Variants in TTC28 observed in about 807,000 individuals in gnomAD.
TTC28 encodes the protein tetratricopeptide repeat protein 28.
A neutral mutation model predicts 198.0 loss-of-function variants in TTC28; 61 were observed. That is an observed-to-expected ratio of 0.31 (90% CI 0.25 to 0.38). The LOEUF (loss-of-function observed/expected upper bound fraction) is 0.38. Ranked by LOEUF, TTC28 falls within the 10% of genes least tolerant of loss-of-function variation. The probability of loss-of-function intolerance (pLI) is 1.00; values close to 1 mark genes in which losing one functional copy is unlikely to be tolerated. For synonymous variants in TTC28, 1,171 were observed against 1,297.8 expected, an observed-to-expected ratio of 0.90 and a Z score of 2.10; for missense variants, 2,678 against 3,164.0, an observed-to-expected ratio of 0.85 and a Z score of 3.69.
At chr22:28,092,033 G>A (rs1324325421) in intron 12 of TTC28, among the ~76,000 whole-genome samples, 1 of 152,170 alleles carries the variant, frequency 6.6e-6, no homozygotes, top group Non-Finnish European at 1.5e-5. Flanking sequence ...AGCCCTTGGT[G>A]GAGAAGATCT....
At chr22:28,660,486 C>T (rs143711337) in intron 1 of TTC28, among the ~76,000 whole-genome samples, 54 of 152,212 alleles carry the variant, frequency 3.5e-4, no homozygotes, top group African/African-American at 1.2e-3. Flanking sequence ...CCACCACACC[C>T]GGCTAATTTT....
At position 28,101,296 on chromosome 22, in the gene TTC28, G is replaced by T. The variant is rs1942144638; in HGVS notation, c.3308-16C>A. 3 of 1,530,074 alleles carry T rather than the reference G, an allele frequency of 2.0e-6. No individual in the cohort carries two copies. The highest frequency in any genetic ancestry group is 1.2e-5 in the South Asian group (1 of 83,330). The allele number at this position is 1,530,074 out of a possible 1,614,324, so 94.8% of individuals were successfully genotyped here. ...AACCTTAAACCTGAAACCAGATAGA[G>T]AAATTTAAGGAAACATAGAAGATGG... On this transcript the variant is annotated splice_polypyrimidine_tract_variant and intron_variant, in intron 8 of 22. Coordinates refer to ENST00000397906, the MANE Select transcript of TTC28 (RefSeq NM_001145418.2).
At chr22:28,400,145 C>T (rs1177047376) in intron 2 of TTC28, among the ~76,000 whole-genome samples, 3 of 152,152 alleles carry the variant, frequency 2.0e-5, no homozygotes, top group Non-Finnish European at 2.9e-5. Flanking sequence ...ATTTCAGTAA[C>T]TTTTCATCTT....
chr22:28,337,245 G>C (rs1262381203), intron 2 of TTC28, among the ~76,000 whole-genome samples: 2 of 152,188 alleles, frequency 1.3e-5, no homozygotes, highest in East Asian at 3.8e-4. Context: ...TTGCTGAGGA[G>C]TGCTTTACTG....
intron 2 of TTC28, among the ~76,000 whole-genome samples, chr22:28,626,872 ATT>A (rs1322331698): frequency 2.6e-5 from 4 of 151,892 alleles, no homozygotes; most frequent in African/African-American, 9.7e-5. Flanking sequence ...AAGGGTGATT[ATT>A]TTTTGTCTAT....
intron 5 of TTC28, among the ~76,000 whole-genome samples, chr22:28,165,359 G>T (rs535002958): frequency 1.1e-4 from 16 of 151,966 alleles, no homozygotes; most frequent in South Asian, 2.1e-4. Flanking sequence ...GAAGAGCAAC[G>T]CCAAGACACA....
intron 2 of TTC28, among the ~76,000 whole-genome samples, chr22:28,366,949 T>C (rs2046257546): frequency 6.6e-6 from 1 of 151,864 alleles, no homozygotes; most frequent in Non-Finnish European, 1.5e-5. Context: ...CAAATATTAT[T>C]AGAGCTAACA....
intron 2 of TTC28, among the ~76,000 whole-genome samples, chr22:28,474,700 T>G (rs2048138635): frequency 6.6e-6 from 1 of 152,188 alleles, no homozygotes; most frequent in Admixed American, 6.5e-5. Context: ...AGGCATTCTC[T>G]AAGTATATAG....
chr22:28,554,319 C>T (rs1191713841), intron 2 of TTC28, among the ~76,000 whole-genome samples: 1 of 150,524 alleles, frequency 6.6e-6, no homozygotes, highest in Admixed American at 6.6e-5. Flanking sequence ...CCACTATTGT[C>T]CTATGACCCT....
intron 12 of TTC28, among the ~76,000 whole-genome samples, chr22:28,040,255 G>C (rs1395585940): frequency 6.6e-6 from 1 of 151,550 alleles, no homozygotes; most frequent in Non-Finnish European, 1.5e-5. Context: ...GCATCATCCT[G>C]ATACCAAAGC....
chr22:28,196,275 C>T (rs1925327179), intron 5 of TTC28, among the ~76,000 whole-genome samples: 1 of 152,042 alleles, frequency 6.6e-6, no homozygotes, highest in Non-Finnish European at 1.5e-5. Flanking sequence ...ATACCTTATA[C>T]AAAAATTAAT....
rs145261644 is a variant in TTC28 at position 28,671,714 on chromosome 22, C to T, written c.102+7908G>A. 9.0e-3 allele frequency among the ~76,000 whole-genome samples: 1,337 copies of T among 147,858 alleles called. 10 individuals carry two copies. Among genetic ancestry groups the T allele is most frequent in the Non-Finnish European group, 0.014 (906 of 67,090 alleles). On this transcript the variant is annotated intron_variant, in intron 1 of 22. Transcript: ENST00000397906. ...TTTTTGAGACAGAGTCTTGCTTTGT[C>T]GCCCAGGCTGGAATGCAGTGGCCCA...
intron 2 of TTC28, among the ~76,000 whole-genome samples, chr22:28,551,589 A>G (rs2049672542): frequency 6.6e-6 from 1 of 152,230 alleles, no homozygotes; most frequent in Non-Finnish European, 1.5e-5. Context: ...AAGTCAATAA[A>G]TGTGTTATAC....
intron 2 of TTC28, among the ~76,000 whole-genome samples, chr22:28,563,911 G>A (rs879291932): frequency 6.6e-6 from 1 of 152,126 alleles, no homozygotes; most frequent in African/African-American, 2.4e-5. Context: ...ATTAACGAAT[G>A]AATGGATAAA....
rs999670571 is a variant in TTC28 at position 27,982,081 on chromosome 22, G to T, written c.*140C>A. The T allele has an allele frequency of 3.5e-6, 3 of 854,834 alleles. No homozygotes were observed. The highest frequency in any genetic ancestry group is 5.1e-6 in the Non-Finnish European group (3 of 586,418). The allele number at this position is 854,834 out of a possible 1,614,324, so 53.0% of individuals were successfully genotyped here. ...CCAGTGTGTGTGGCAGCCTTTGGAC[G>T]TGGTGGTGCCCCTCGCCTGCAGAGC... On this transcript the variant is annotated 3_prime_UTR_variant, in exon 23 of 23. Coordinates refer to ENST00000397906, the MANE Select transcript of TTC28 (RefSeq NM_001145418.2). This position sits in a 1 kb window ranked among gnomAD's most constrained non-coding sequence, Gnocchi z 5.2.
intron 2 of TTC28, among the ~76,000 whole-genome samples, chr22:28,618,816 T>C (rs1216174404): frequency 6.6e-6 from 1 of 152,072 alleles, no homozygotes; most frequent in Non-Finnish European, 1.5e-5. Flanking sequence ...TAAACAGTGC[T>C]TGCTTATAGT....
chr22:28,457,089 T>G (rs2047873837), intron 2 of TTC28, among the ~76,000 whole-genome samples: 1 of 152,226 alleles, frequency 6.6e-6, no homozygotes, highest in South Asian at 2.1e-4. Context: ...TGTAGCTCAT[T>G]TGTAAGACAA....
chr22:28,298,862 G>C (rs2044956970), intron 3 of TTC28, among the ~76,000 whole-genome samples: 2 of 152,182 alleles, frequency 1.3e-5, no homozygotes, highest in African/African-American at 4.8e-5. Context: ...TGGTAACCCA[G>C]TATCCACTGC....
chr22:28,036,550 C>G (rs1408630545), intron 12 of TTC28, among the ~76,000 whole-genome samples: 2 of 152,106 alleles, frequency 1.3e-5, no homozygotes, highest in Non-Finnish European at 2.9e-5. Context: ...GCACTAAATG[C>G]CCACAAGAGA....
Sources: gnomAD v4.1 joint callset for allele counts (sites outside exome capture counted in the v4.1 genomes callset) on GRCh38, gnomAD v4.1.1 for gene constraint, Gnocchi (gnomAD v3.1) non-coding constraint, MANE v1.5 for transcripts, NCBI Gene and HGNC (gene_info 2026-07-23, HGNC 2026-07-21) for gene names.